The following ABTB3 variants were observed in gnomAD, a reference collection of about 807,000 sequenced individuals.
ABTB3 encodes ankyrin repeat- and BTB/POZ domain-containing protein 3.
chr12:107,645,792 C>G, the ABTB3 span, among the ~76,000 whole-genome samples: 61 of 152,322 alleles, frequency 4.0e-4, no homozygotes, highest in African/African-American at 1.3e-3. Context: ...GGAGGAATCC[C>G]GAGGCCTGTA....
chr12:107,436,959 C>G, the ABTB3 span, among the ~76,000 whole-genome samples: 26 of 152,154 alleles, frequency 1.7e-4, no homozygotes, highest in East Asian at 4.1e-3. Flanking sequence ...CATCCCCCCC[C>G]GCCGCACCTG....
the ABTB3 span, among the ~76,000 whole-genome samples, chr12:107,350,366 C>G: frequency 6.6e-6 from 1 of 151,800 alleles, no homozygotes; most frequent in African/African-American, 2.4e-5. Context: ...CTGGCTAACA[C>G]GGTGAAACCC....
At chr12:107,347,121 G>A in the ABTB3 span, among the ~76,000 whole-genome samples, 4 of 152,118 alleles carry the variant, frequency 2.6e-5, no homozygotes, top group Non-Finnish European at 5.9e-5. Context: ...CATGGGCCAC[G>A]GAGTAGCTTT....
At chr12:107,380,353 C>T in the ABTB3 span, among the ~76,000 whole-genome samples, 2 of 152,044 alleles carry the variant, frequency 1.3e-5, no homozygotes, top group Non-Finnish European at 2.9e-5. Flanking sequence ...CTTTTCCTTC[C>T]ATGTAAACCA....
the ABTB3 span, among the ~76,000 whole-genome samples, chr12:107,461,594 T>C: frequency 4.9e-3 from 742 of 152,354 alleles, 9 homozygotes; most frequent in African/African-American, 0.016. Flanking sequence ...AACGAATCCA[T>C]TCGCAACCCC....
At chr12:107,470,697 C>T in the ABTB3 span, among the ~76,000 whole-genome samples, 30 of 152,332 alleles carry the variant, frequency 2.0e-4, 1 homozygote, top group South Asian at 4.1e-3. Flanking sequence ...CAAAATTAAC[C>T]GACCCTGGCC....
the ABTB3 span, among the ~76,000 whole-genome samples, chr12:107,606,885 C>T: frequency 2.6e-5 from 4 of 152,192 alleles, no homozygotes; most frequent in Admixed American, 6.5e-5. Context: ...GCACCTCTCC[C>T]GGAAGCCTCT....
the ABTB3 span, among the ~76,000 whole-genome samples, chr12:107,427,447 A>AT: frequency 6.6e-6 from 1 of 151,972 alleles, no homozygotes; most frequent in Admixed American, 6.6e-5. Flanking sequence ...TGCCTGGCTA[A>AT]TTTTTTATTT....
the ABTB3 span, chr12:107,617,689 C>T: frequency 2.0e-6 from 1 of 497,308 alleles, no homozygotes; most frequent in African/African-American, 1.9e-5. Flanking sequence ...AGACATCACT[C>T]TTGGTCGGTT....
At chr12:107,616,371 C>T in the ABTB3 span, among the ~76,000 whole-genome samples, 1 of 152,206 alleles carries the variant, frequency 6.6e-6, no homozygotes, top group East Asian at 1.9e-4. Context: ...GTAAAGATAG[C>T]AGATTTTTCC....
At chr12:107,550,114 G>C in the ABTB3 span, among the ~76,000 whole-genome samples, 1 of 152,170 alleles carries the variant, frequency 6.6e-6, no homozygotes. Context: ...GTGTTTAGTA[G>C]ATCCTAATAA....
chr12:107,377,414 AGTGTGTGTGT>A, the ABTB3 span, among the ~76,000 whole-genome samples: 3,300 of 146,562 alleles, frequency 0.023, 40 homozygotes, highest in Middle Eastern at 0.027. Flanking sequence ...AGAGAGCAAG[AGTGTGTGTGT>A]GTGTGTGTGT....
chr12:107,640,144 G>A, the ABTB3 span, among the ~76,000 whole-genome samples: 2 of 152,200 alleles, frequency 1.3e-5, no homozygotes, highest in African/African-American at 4.8e-5. Context: ...TCAGTGACTT[G>A]ACTGTTCCTC....
chr12:107,529,185 A>G, the ABTB3 span, among the ~76,000 whole-genome samples: 1 of 150,092 alleles, frequency 6.7e-6, no homozygotes, highest in Admixed American at 6.6e-5. Context: ...GATGGTGATG[A>G]TGATGGTGAT....
chr12:107,528,459 T>C, the ABTB3 span, among the ~76,000 whole-genome samples: 1 of 152,210 alleles, frequency 6.6e-6, no homozygotes, highest in African/African-American at 2.4e-5. Context: ...GACATAATGA[T>C]GGTGATTCCC....
chr12:107,412,360 G>A, the ABTB3 span, among the ~76,000 whole-genome samples: 3 of 152,138 alleles, frequency 2.0e-5, no homozygotes, highest in East Asian at 1.9e-4. Flanking sequence ...GTGCCTTCAC[G>A]CTGACTGTCG....
the ABTB3 span, among the ~76,000 whole-genome samples, chr12:107,566,345 A>G: frequency 6.6e-6 from 1 of 152,044 alleles, no homozygotes; most frequent in African/African-American, 2.4e-5. Flanking sequence ...TTATTATCCC[A>G]GTTATTCTTG....
chr12:107,635,772 GAGA>G, the ABTB3 span, among the ~76,000 whole-genome samples: 10 of 151,358 alleles, frequency 6.6e-5, no homozygotes, highest in Admixed American at 6.6e-4. Context: ...CAGAAGGAAT[GAGA>G]AGGAGACAGT....
chr12:107,557,395 C>T, the ABTB3 span, among the ~76,000 whole-genome samples: 4 of 152,184 alleles, frequency 2.6e-5, no homozygotes, highest in African/African-American at 9.7e-5. Flanking sequence ...TATGGGACCA[C>T]CATCATATAT....
Sources: gnomAD v4.1 joint callset for allele counts (sites outside exome capture counted in the v4.1 genomes callset) on GRCh38, gnomAD v4.1.1 for gene constraint, MANE v1.5 for transcripts, NCBI Gene and HGNC (gene_info 2026-07-23, HGNC 2026-07-21) for gene names.